MIGA2: variants seen among roughly 807,000 people sequenced by gnomAD.
MIGA2 encodes family with sequence similarity 73, member B.
Under a neutral mutation model 69.9 loss-of-function variants are expected in MIGA2, and 36 were observed. The observed-to-expected ratio is 0.52, with a 90% CI of 0.39 to 0.68. MIGA2 has a LOEUF of 0.68. Among genes scored for constraint, MIGA2 ranks in the 30% least tolerant of loss-of-function variants. MIGA2 has a pLI of 0.00. For synonymous variants in MIGA2, 333 were observed against 349.2 expected (o/e 0.95, Z 0.52); for missense variants, 660 against 787.7 (o/e 0.84, Z 1.94).
chr9:129,066,596 C>T (rs986806540), intron 11 of MIGA2, among the ~76,000 whole-genome samples: 7 of 146,014 alleles, frequency 4.8e-5, no homozygotes, highest in Admixed American at 2.1e-4. Flanking sequence ...ATGGCATGAA[C>T]CCAGGAGGCG....
chr9:129,043,942 C>T (rs929392433), intron 3 of MIGA2, among the ~76,000 whole-genome samples: 11 of 151,820 alleles, frequency 7.2e-5, no homozygotes, highest in African/African-American at 1.2e-4. Flanking sequence ...ACTCGTGATC[C>T]GCCTGCCTCG....
intron 11 of MIGA2, among the ~76,000 whole-genome samples, chr9:129,064,124 A>T (rs931955004): frequency 5.3e-5 from 8 of 152,098 alleles, no homozygotes; most frequent in African/African-American, 1.9e-4. Context: ...GGCCTTCACA[A>T]CTTACATCAC....
chr9:129,059,248 C>T lies in MIGA2; in HGVS notation c.770C>T (p.Ala257Val), dbSNP rs940182150. ...GAGGAGTTCGGCTCCACCTTCCCCG[C>T]AGACAGCATGCTGCTAGACCTCGGT... ...LQEEFGSTFPADSMLLDLERT... is the reference protein window; with the variant it reads ...LQEEFGSTFPVDSMLLDLERT... Residue 257 changes from alanine to valine, a missense_variant, in exon 7 of 16, where the codon GCA becomes GTA. Physicochemically the swap from Ala to Val is moderately conservative, Grantham distance 64. Around this residue, in one of 3 missense-constraint regions of MIGA2, gnomAD observed 386 missense variants for 402.0 expected, o/e 0.96. Coordinates refer to ENST00000684074, the MANE Select transcript of MIGA2 (RefSeq NM_001329990.2). The surrounding 1 kb of genome is among the most constrained non-coding windows in gnomAD (Gnocchi z 5.6). 1 of 1,588,720 alleles carries T rather than the reference C, an allele frequency of 6.3e-7. No individual in the cohort carries two copies. The highest frequency in any genetic ancestry group is 8.6e-7 in the Non-Finnish European group (1 of 1,166,416).
intron 6 of MIGA2, among the ~76,000 whole-genome samples, chr9:129,055,570 G>C (rs185284108): frequency 2.6e-5 from 4 of 152,240 alleles, no homozygotes; most frequent in Admixed American, 2.6e-4. Context: ...CTGGCCAGGG[G>C]CCTCGCGCGG....
chr9:129,047,622 A>C (rs967728714), intron 3 of MIGA2, among the ~76,000 whole-genome samples: 14 of 151,988 alleles, frequency 9.2e-5, no homozygotes, highest in Non-Finnish European at 1.9e-4. Flanking sequence ...CTTGTTGGCC[A>C]GGCTGATCTC....
At chr9:129,066,892 C>A (rs113188952) in intron 11 of MIGA2, among the ~76,000 whole-genome samples, 1 of 130,448 alleles carries the variant, frequency 7.7e-6, no homozygotes, top group Non-Finnish European at 1.6e-5. Context: ...ACCCGGGAGG[C>A]GGAGGTTGCA....
Position 129,061,368 on chromosome 9 carries a change from G to T in MIGA2, c.1010+22G>T. On this transcript the variant is annotated intron_variant, in intron 9 of 15. Transcript: ENST00000684074. This position sits in a 1 kb window ranked among gnomAD's most constrained non-coding sequence, Gnocchi z 5.0. ...TCAGGTGAGCAGGTGTGGAGGGAGG[G>T]AGGGAGGGAGCAGGAGGCGATGGGT... 1 of 1,196,954 alleles carries T rather than the reference G, an allele frequency of 8.4e-7. No individual in the cohort carries two copies. The highest frequency in any genetic ancestry group is 1.2e-5 in the South Asian group (1 of 81,026). The allele number at this position is 1,196,954 out of a possible 1,614,324, so 74.1% of individuals were successfully genotyped here.
At chr9:129,053,276 C>T (rs1259926672) in intron 6 of MIGA2, among the ~76,000 whole-genome samples, 1 of 152,158 alleles carries the variant, frequency 6.6e-6, no homozygotes, top group African/African-American at 2.4e-5. Context: ...CGCCTACAAC[C>T]TTACAATCCT....
intron 3 of MIGA2, among the ~76,000 whole-genome samples, chr9:129,043,804 G>A (rs762963586): frequency 3.6e-4 from 54 of 151,758 alleles, no homozygotes; most frequent in South Asian, 1.5e-3. Flanking sequence ...GGGTTCAAGC[G>A]ATTCTTCTGC....
rs928287349 is a variant in MIGA2 at position 129,063,422 on chromosome 9, T to C, written c.1083+106T>C. 68 of 1,547,864 alleles carry C rather than the reference T, an allele frequency of 4.4e-5. No homozygotes were observed. In the Middle Eastern group the frequency reaches 6.9e-4, roughly 16 times the overall value. ...CCTCCTGGTCCCTGGCCAGGCCTGC[T>C]CCCACACTGGGCTCCTCTGTGGCAG... is the stretch of plus-strand genomic sequence containing the variant. On this transcript the variant is annotated intron_variant, in intron 10 of 15. Coordinates refer to ENST00000684074, the MANE Select transcript of MIGA2 (RefSeq NM_001329990.2).
rs554303181 is a variant in MIGA2, at chr9:129,058,745, A to G, written c.676-409A>G. Among the ~76,000 whole-genome samples the G allele has an allele frequency of 4.0e-5, 6 of 151,868 alleles. No homozygotes were observed. In the South Asian group the frequency reaches 6.2e-4, roughly 16 times the overall value. ...GAACTCCTGACCTTGTGATCTGCCCACCTCGGCCACCCAAAATGCTGGGAT... is the reference window on the plus strand; with the variant it reads ...GAACTCCTGACCTTGTGATCTGCCCGCCTCGGCCACCCAAAATGCTGGGAT... On this transcript the variant is annotated intron_variant, in intron 6 of 15. Coordinates refer to ENST00000684074, the MANE Select transcript of MIGA2 (RefSeq NM_001329990.2).
chr9:129,058,778 G>T (rs1300593706), intron 6 of MIGA2, among the ~76,000 whole-genome samples: 1 of 152,168 alleles, frequency 6.6e-6, no homozygotes, highest in Non-Finnish European at 1.5e-5. Flanking sequence ...GATTACAGGC[G>T]TGAGCCACTG....
In MIGA2 at chr9:129,068,805, G is replaced by A; in HGVS notation, c.1405-271G>A. ...ACCATTGCTCCCACAACCACCAAAG[G>A]AGGTGGGAGTGCTGTGTTGTGCCCC... On this transcript the variant is annotated intron_variant, in intron 13 of 15. Coordinates refer to ENST00000684074, the MANE Select transcript of MIGA2 (RefSeq NM_001329990.2). The surrounding 1 kb of genome is among the most constrained non-coding windows in gnomAD (Gnocchi z 4.1). 5.8e-6 allele frequency: 3 copies of A among 516,862 alleles called. No homozygotes were observed. Among genetic ancestry groups the A allele is most frequent in the Non-Finnish European group, 3.5e-6 (1 of 285,082 alleles). The allele number at this position is 516,862 out of a possible 1,614,324, so 32.0% of individuals were successfully genotyped here.
chr9:129,036,710 A>T (rs1338515670), intron 1 of MIGA2, 29 bp downstream of exon 1: 1 of 163,540 alleles, frequency 6.1e-6, no homozygotes, highest in Non-Finnish European at 1.5e-5. Flanking sequence ...CGAGCCCCCA[A>T]GGCGGGCGGG....
chr9:129,057,762 C>T (rs940525000), intron 6 of MIGA2, among the ~76,000 whole-genome samples: 3 of 151,988 alleles, frequency 2.0e-5, no homozygotes, highest in Admixed American at 6.6e-5. Context: ...CACGCCACCA[C>T]GCCCACCTAA....
At position 129,060,164 on chromosome 9, in the gene MIGA2, G is replaced by A. The variant is rs772891113; in HGVS notation, c.794-386G>A. On this transcript the variant is annotated intron_variant, in intron 7 of 15. Coordinates refer to ENST00000684074, the MANE Select transcript of MIGA2 (RefSeq NM_001329990.2). This position sits in a 1 kb window ranked among gnomAD's most constrained non-coding sequence, Gnocchi z 4.8. Reference sequence around the variant, plus strand: ...TCGAGCCCTTGGTATCAATGGCTGAGTTTCAGCTTGTCAGAGGAGAGAGGC... The same window carrying A: ...TCGAGCCCTTGGTATCAATGGCTGAATTTCAGCTTGTCAGAGGAGAGAGGC... Among the ~76,000 whole-genome samples the A allele has an allele frequency of 3.9e-4, 59 of 152,342 alleles. No individual in the cohort carries two copies. Among genetic ancestry groups the A allele is most frequent in the Admixed American group, 9.2e-4 (14 of 15,300 alleles).
intron 3 of MIGA2, among the ~76,000 whole-genome samples, chr9:129,046,896 A>G (rs962085655): frequency 6.6e-6 from 1 of 151,424 alleles, no homozygotes; most frequent in African/African-American, 2.4e-5. Context: ...CTCCTGCCTC[A>G]TCCTACCAAG....
intron 11 of MIGA2, among the ~76,000 whole-genome samples, chr9:129,064,599 C>G (rs190655940): frequency 9.0e-4 from 137 of 151,860 alleles, no homozygotes; most frequent in African/African-American, 3.2e-3. Context: ...CACTAGCCAG[C>G]TGCCTACAAC....
intron 11 of MIGA2, among the ~76,000 whole-genome samples, chr9:129,064,331 C>A (rs546023306): frequency 3.3e-5 from 5 of 151,804 alleles, no homozygotes; most frequent in African/African-American, 1.2e-4. Flanking sequence ...CTCAGCCTCC[C>A]GAGTAGCTGG....
Sources: gnomAD v4.1 joint callset for allele counts (sites outside exome capture counted in the v4.1 genomes callset) on GRCh38, gnomAD v4.1.1 for gene constraint, gnomAD v4.1.1 regional missense constraint, Gnocchi (gnomAD v3.1) non-coding constraint, MANE v1.5 for transcripts, NCBI Gene and HGNC (gene_info 2026-07-23, HGNC 2026-07-21) for gene names.